Variants in NRXN1 observed in about 807,000 individuals in gnomAD.
NRXN1 encodes the protein neurexin-1.
A neutral mutation model predicts 150.9 loss-of-function variants in NRXN1; 39 were observed. That is an observed-to-expected ratio of 0.26 (90% CI 0.20 to 0.34). The LOEUF is 0.34. Among genes scored for constraint, NRXN1 ranks in the 10% least tolerant of loss-of-function variants. The pLI is 1.00. For synonymous variants in NRXN1, 924 were observed against 757.0 expected (o/e 1.22, Z -3.62); for missense variants, 1,815 against 1,949.9 (o/e 0.93, Z 1.30).
At chr2:51,002,604 C>G (rs1558567693) in intron 2 of NRXN1, among the ~76,000 whole-genome samples, 1 of 151,840 alleles carries the variant, frequency 6.6e-6, no homozygotes, top group Non-Finnish European at 1.5e-5. Context: ...GAAGGAAGTT[C>G]CCCCATCAGG....
intron 17 of NRXN1, among the ~76,000 whole-genome samples, chr2:50,434,195 G>A (rs1036983121): frequency 6.6e-6 from 1 of 151,634 alleles, no homozygotes; most frequent in Admixed American, 6.6e-5. Flanking sequence ...AAGTAGCTGG[G>A]ACTAGAGGCG....
At chr2:50,917,964 T>C (rs765479164) in intron 5 of NRXN1, 11 of 151,730 alleles carry the variant, frequency 7.2e-5, no homozygotes, top group Admixed American at 3.9e-4. Context: ...TATGACAGTA[T>C]AGATAAAAAT....
intron 12 of NRXN1, among the ~76,000 whole-genome samples, chr2:50,514,537 T>C (rs966147997): frequency 6.6e-6 from 1 of 152,236 alleles, no homozygotes; most frequent in South Asian, 2.1e-4. Flanking sequence ...TACATTCTAA[T>C]AGGTCAGAAG....
rs1670989225 is a variant in NRXN1 at position 51,028,479 on chromosome 2, A to G, written c.-206T>C. On this transcript the variant is annotated 5_prime_UTR_variant, in exon 2 of 23. Coordinates refer to ENST00000401669, the MANE Select transcript of NRXN1 (RefSeq NM_001330078.2). ...CCCTCTCTCCCTGTAGTCCTCTTCCAACTGGAAAACGTTGACCCCAGTGGT... is the reference window on the plus strand; with the variant it reads ...CCCTCTCTCCCTGTAGTCCTCTTCCGACTGGAAAACGTTGACCCCAGTGGT... 2.3e-6 allele frequency: 1 copy of G among 427,488 alleles called. No homozygotes were observed. The highest frequency in any genetic ancestry group is 3.9e-5 in the Admixed American group (1 of 25,910). 26.5% of individuals were successfully genotyped at this position (427,488 alleles called of 1,614,324 possible).
intron 5 of NRXN1, among the ~76,000 whole-genome samples, chr2:50,803,038 C>G (rs1707835330): frequency 6.6e-6 from 1 of 152,116 alleles, no homozygotes; most frequent in Non-Finnish European, 1.5e-5. Context: ...GCTTTTGGTA[C>G]TTTTTGTGGT....
intron 12 of NRXN1, among the ~76,000 whole-genome samples, chr2:50,510,343 G>A (rs35088692): frequency 0.17 from 25,332 of 151,588 alleles, 3,113 homozygotes; most frequent in East Asian, 0.38. Flanking sequence ...AAAAATAGCT[G>A]GGTGTAGTGG....
chr2:50,591,895 G>A (rs548187009), intron 8 of NRXN1, among the ~76,000 whole-genome samples: 1 of 152,176 alleles, frequency 6.6e-6, no homozygotes, highest in Admixed American at 6.5e-5. Context: ...ATTACTACAT[G>A]TCTGAGGTTT....
intron 17 of NRXN1, among the ~76,000 whole-genome samples, chr2:50,329,615 GTGTATA>G (rs2076648793): frequency 8.2e-4 from 13 of 15,790 alleles, no homozygotes; most frequent in Admixed American, 1.1e-3. Flanking sequence ...GTGTGTGTGT[GTGTATA>G]TATATATATA....
chr2:50,812,723 AGTGTGTGT>A (rs143701404), intron 5 of NRXN1, among the ~76,000 whole-genome samples: 2 of 146,004 alleles, frequency 1.4e-5, no homozygotes, highest in Non-Finnish European at 3.0e-5. Context: ...AAATAATAAG[AGTGTGTGT>A]GTGTGTGTGT....
intron 8 of NRXN1, among the ~76,000 whole-genome samples, chr2:50,579,973 C>G (rs1306008151): frequency 6.6e-6 from 1 of 152,128 alleles, no homozygotes; most frequent in Non-Finnish European, 1.5e-5. Flanking sequence ...GGAGATTTTT[C>G]TGATTGAAAT....
At chr2:50,005,874 C>G (rs1229062970) in intron 21 of NRXN1, among the ~76,000 whole-genome samples, 1 of 152,104 alleles carries the variant, frequency 6.6e-6, no homozygotes, top group Admixed American at 6.6e-5. Flanking sequence ...ACTTACTGCC[C>G]TTTTAATGTT....
intron 17 of NRXN1, among the ~76,000 whole-genome samples, chr2:50,330,650 T>C (rs1325994806): frequency 1.3e-5 from 2 of 152,150 alleles, no homozygotes; most frequent in East Asian, 1.9e-4. Flanking sequence ...ATATGGCTGC[T>C]CTCAGTGCAA....
chr2:50,046,975 T>G (rs1421575), intron 21 of NRXN1, among the ~76,000 whole-genome samples: 95,328 of 152,020 alleles, frequency 0.63, 30,157 homozygotes, highest in Middle Eastern at 0.67. Context: ...CTTCGACAAA[T>G]GGTTCCCATT....
chr2:50,121,252 A>G (rs1027735060), intron 18 of NRXN1, among the ~76,000 whole-genome samples: 1 of 152,004 alleles, frequency 6.6e-6, no homozygotes, highest in African/African-American at 2.4e-5. Context: ...CGAACTCCTG[A>G]CCTTAAGATC....
At chr2:50,058,646 C>A (rs1694011555) in intron 19 of NRXN1, among the ~76,000 whole-genome samples, 1 of 152,126 alleles carries the variant, frequency 6.6e-6, no homozygotes, top group African/African-American at 2.4e-5. Context: ...GTGTCTCCAC[C>A]CAAATCTCAT....
intron 17 of NRXN1, among the ~76,000 whole-genome samples, chr2:50,425,103 A>T (rs116941796): frequency 3.9e-5 from 6 of 152,208 alleles, no homozygotes; most frequent in Non-Finnish European, 8.8e-5. Flanking sequence ...CCAGAAAAAT[A>T]AAAAATACCA....
chr2:50,296,841 C>T (rs76142472), intron 17 of NRXN1, among the ~76,000 whole-genome samples: 12,586 of 150,682 alleles, frequency 0.084, 616 homozygotes, highest in Middle Eastern at 0.14. Context: ...TGGCCTCCAC[C>T]TCCATCTATG....
intron 18 of NRXN1, among the ~76,000 whole-genome samples, chr2:50,141,994 C>A (rs941620693): frequency 1.3e-5 from 2 of 151,888 alleles, no homozygotes; most frequent in Non-Finnish European, 2.9e-5. Flanking sequence ...GAATACCTGT[C>A]CCCCTATCAC....
intron 15 of NRXN1, among the ~76,000 whole-genome samples, chr2:50,483,738 C>G (rs1235598835): frequency 6.6e-6 from 1 of 152,218 alleles, no homozygotes; most frequent in East Asian, 1.9e-4. Context: ...GCACCACACT[C>G]TCTCCTATTT....
Sources: gnomAD v4.1 joint callset for allele counts (sites outside exome capture counted in the v4.1 genomes callset) on GRCh38, gnomAD v4.1.1 for gene constraint, MANE v1.5 for transcripts, NCBI Gene and HGNC (gene_info 2026-07-23, HGNC 2026-07-21) for gene names.